Variants in FRMD3 observed in about 807,000 individuals in gnomAD.
FRMD3 encodes FERM domain-containing protein 3.
FRMD3 carries 33 observed loss-of-function variants against 70.2 expected under a neutral mutation model. That is an observed-to-expected ratio of 0.47 (90% CI 0.36 to 0.63). The LOEUF is 0.63. Among genes scored for constraint, FRMD3 ranks in the 20% least tolerant of loss-of-function variants. The probability of loss-of-function intolerance (pLI) is 0.00; values close to 1 mark genes in which losing one functional copy is unlikely to be tolerated. For synonymous variants in FRMD3, 279 were observed against 255.9 expected (o/e 1.09, Z -0.86); for missense variants, 632 against 711.4 (o/e 0.89, Z 1.27).
At chr9:83,497,598 G>T (rs2131507480) in intron 1 of FRMD3, among the ~76,000 whole-genome samples, 1 of 152,296 alleles carries the variant, frequency 6.6e-6, no homozygotes, top group Admixed American at 6.5e-5. Flanking sequence ...CTTGCAGTTG[G>T]CAGGGCCATC....
the FRMD3 span, among the ~76,000 whole-genome samples, chr9:83,580,769 T>C: frequency 1.3e-5 from 2 of 152,164 alleles, no homozygotes; most frequent in African/African-American, 4.8e-5. Context: ...TCAAATGTAT[T>C]GCCACAAAAA....
At chr9:83,479,286 AAAG>A (rs3084910) in intron 1 of FRMD3, among the ~76,000 whole-genome samples, 2 of 144,944 alleles carry the variant, frequency 1.4e-5, no homozygotes, top group African/African-American at 2.6e-5. Flanking sequence ...TGTGTCTCTA[AAAG>A]AAGAAGAAGA....
intron 10 of FRMD3, among the ~76,000 whole-genome samples, chr9:83,307,315 C>T (rs1835171350): frequency 6.6e-6 from 1 of 152,162 alleles, no homozygotes; most frequent in Non-Finnish European, 1.5e-5. Context: ...GCAGTTCCAT[C>T]CTAGGTATAT....
intron 6 of FRMD3, among the ~76,000 whole-genome samples, chr9:83,316,157 T>TC (rs1835561813): frequency 7.8e-6 from 1 of 127,922 alleles, no homozygotes; most frequent in Admixed American, 8.0e-5. Context: ...TCTTTTTTTT[T>TC]TTTCTTTTTT....
Position 83,474,618 on chromosome 9 carries a change from A to G in FRMD3, c.147+63467T>C, listed in dbSNP as rs1410155075. 2.6e-5 allele frequency among the ~76,000 whole-genome samples: 4 copies of G among 152,282 alleles called. No individual in the cohort carries two copies. In the South Asian group the frequency reaches 6.2e-4, roughly 24 times the overall value. Reference sequence around the variant, plus strand: ...AAACAGAGAATACATGTCTCATTCCAGCAATAATAGATAAGCATATTTTAA... The same window carrying G: ...AAACAGAGAATACATGTCTCATTCCGGCAATAATAGATAAGCATATTTTAA... On this transcript the variant is annotated intron_variant, in intron 1 of 13. Coordinates refer to ENST00000304195, the MANE Select transcript of FRMD3 (RefSeq NM_174938.6).
chr9:83,451,204 G>C (rs534238817), intron 1 of FRMD3, among the ~76,000 whole-genome samples: 3 of 152,210 alleles, frequency 2.0e-5, no homozygotes, highest in Admixed American at 6.5e-5. Context: ...GATTAAGCGA[G>C]GTTAGATTGT....
At chr9:83,503,500 T>C (rs2131516527) in intron 1 of FRMD3, among the ~76,000 whole-genome samples, 1 of 152,318 alleles carries the variant, frequency 6.6e-6, no homozygotes, top group African/African-American at 2.4e-5. Context: ...AAATAGATTC[T>C]GCCTCCCAGC....
the FRMD3 span, among the ~76,000 whole-genome samples, chr9:83,553,695 A>G: frequency 6.6e-6 from 1 of 152,178 alleles, no homozygotes; most frequent in African/African-American, 2.4e-5. Flanking sequence ...TGTGTTATTC[A>G]GGTCTGTCAG....
At position 83,467,190 on chromosome 9, in the gene FRMD3, A is replaced by T. The variant is rs572658388; in HGVS notation, c.147+70895T>A. The stretch of plus-strand genomic sequence containing the variant: ...GGTAAAAAGATTTCTCTTACAAATT[A>T]TGGAGAAAATGGCAGGTGTTATCCA... On this transcript the variant is annotated intron_variant, in intron 1 of 13. Transcript: ENST00000304195. Among the ~76,000 whole-genome samples, 34 of 152,352 alleles carry T rather than the reference A, an allele frequency of 2.2e-4. 1 individual carries two copies. In the South Asian group the frequency reaches 6.4e-3, roughly 29 times the overall value.
intron 1 of FRMD3, among the ~76,000 whole-genome samples, chr9:83,438,176 G>A (rs1827191086): frequency 6.6e-6 from 1 of 152,154 alleles, no homozygotes. Context: ...AAAAGAAAAT[G>A]TATTTTCTGA....
At chr9:83,526,432 T>C (rs1366835492) in intron 1 of FRMD3, among the ~76,000 whole-genome samples, 1 of 152,264 alleles carries the variant, frequency 6.6e-6, no homozygotes, top group African/African-American at 2.4e-5. Context: ...TCAGTCATCC[T>C]GTTTCATGCC....
the FRMD3 span, among the ~76,000 whole-genome samples, chr9:83,572,924 T>G: frequency 2.0e-5 from 3 of 152,238 alleles, no homozygotes; most frequent in Admixed American, 2.0e-4. Flanking sequence ...CAATAATAAT[T>G]GCAATTTTAA....
At chr9:83,373,666 A>G (rs1429444952) in intron 2 of FRMD3, among the ~76,000 whole-genome samples, 1 of 138,604 alleles carries the variant, frequency 7.2e-6, no homozygotes, top group Non-Finnish European at 1.6e-5. Context: ...ACATGCTGAG[A>G]GCTGGGCAGC....
In FRMD3 at chr9:83,244,792, C is replaced by A. The variant is rs368808423; in HGVS notation, c.*3126G>T. 64 of 985,278 alleles carry A rather than the reference C, an allele frequency of 6.5e-5. No individual in the cohort carries two copies. In the East Asian group the frequency reaches 1.9e-3, roughly 30 times the overall value. 61.0% of individuals were successfully genotyped at this position (985,278 alleles called of 1,614,324 possible). On this transcript the variant is annotated 3_prime_UTR_variant, in exon 14 of 14. Transcript: ENST00000304195. ...CAATGAAATAAACTCATTGTGAATT[C>A]ACCCCGAGTTGTGTTTATAAATATT...
intron 1 of FRMD3, among the ~76,000 whole-genome samples, chr9:83,529,039 G>A (rs1829741644): frequency 6.6e-6 from 1 of 152,166 alleles, no homozygotes; most frequent in African/African-American, 2.4e-5. Context: ...AAGCAGCATT[G>A]TTTTGCAAAT....
At chr9:83,405,013 C>A (rs944689794) in intron 1 of FRMD3, among the ~76,000 whole-genome samples, 1 of 152,196 alleles carries the variant, frequency 6.6e-6, no homozygotes, top group South Asian at 2.1e-4. Context: ...CTCATGTTAT[C>A]TAGAAGTACT....
At chr9:83,452,846 GC>G (rs976599260) in intron 1 of FRMD3, among the ~76,000 whole-genome samples, 3 of 107,366 alleles carry the variant, frequency 2.8e-5, no homozygotes, top group Non-Finnish European at 5.7e-5. Flanking sequence ...AATTTTTATT[GC>G]CTTTTTTTTT....
upstream of FRMD3, among the ~76,000 whole-genome samples, chr9:83,541,893 A>C (rs1830003770): frequency 6.6e-6 from 1 of 152,130 alleles, no homozygotes; most frequent in Non-Finnish European, 1.5e-5. Flanking sequence ...AATATTCCCA[A>C]ATCTGAACCT....
chr9:83,248,979 GT>G (rs1420899833), intron 13 of FRMD3, among the ~76,000 whole-genome samples: 2 of 151,988 alleles, frequency 1.3e-5, no homozygotes, highest in African/African-American at 4.8e-5. Context: ...ACAATTTTGT[GT>G]TCTAGTTTTA....
Sources: allele counts gnomAD v4.1 joint callset (sites outside exome capture counted in the v4.1 genomes callset), GRCh38; gene constraint gnomAD v4.1.1; transcripts MANE v1.5; gene names NCBI Gene and HGNC (gene_info 2026-07-23, HGNC 2026-07-21).